The following NOB1 variants were observed in gnomAD, a reference collection of about 807,000 sequenced individuals.
NOB1 encodes the protein RNA-binding protein NOB1.
In NOB1, 44 loss-of-function variants were observed where a neutral mutation model predicts 44.8. The observed-to-expected ratio is 0.98, with a 90% CI of 0.77 to 1.26. NOB1 has a LOEUF of 1.26. Among genes scored for constraint, NOB1 ranks in the 50% most tolerant of loss-of-function variants. The pLI is 0.00. For missense variants in NOB1, 560 were observed against 544.8 expected (o/e 1.03, Z -0.28); for synonymous variants, 238 against 218.7 (o/e 1.09, Z -0.78).
intron 3 of NOB1, among the ~76,000 whole-genome samples, chr16:69,750,782 T>A (rs2038476504): frequency 6.6e-6 from 1 of 152,014 alleles, no homozygotes; most frequent in African/African-American, 2.4e-5. Context: ...CTTAAAAAAA[T>A]TTGAGGGTAG....
intron 8 of NOB1, 106 bp downstream of exon 8, chr16:69,744,767 C>CTT (rs1190820594): frequency 9.9e-6 from 13 of 1,318,400 alleles, no homozygotes; most frequent in Non-Finnish European, 1.3e-5. Context: ...AGGTCACAGG[C>CTT]TTTCAATCGC....
Position 69,745,168 on chromosome 16 carries a change from G to C in NOB1, c.825-151C>G, listed in dbSNP as rs2038419908. On this transcript the variant is annotated intron_variant, in intron 7 of 8. Coordinates refer to ENST00000268802, the MANE Select transcript of NOB1 (RefSeq NM_014062.3). The stretch of plus-strand genomic sequence containing the variant: ...CACAAAGACGGAGGCCACTGAAGCT[G>C]TCAGCAAAGGGCTGCCGCATCCCTC... 3 of 760,782 alleles carry C rather than the reference G, an allele frequency of 3.9e-6. No homozygotes were observed. In the Admixed American group the frequency reaches 8.2e-5, roughly 21 times the overall value. 47.1% of individuals were successfully genotyped at this position (760,782 alleles called of 1,614,324 possible).
At chr16:69,753,932 A>G (rs2038503011) in intron 2 of NOB1, among the ~76,000 whole-genome samples, 1 of 152,084 alleles carries the variant, frequency 6.6e-6, no homozygotes, top group African/African-American at 2.4e-5. Flanking sequence ...CAGCCTCCCA[A>G]GTAGCTGGGA....
At chr16:69,743,250 T>G (rs115013189) in intron 8 of NOB1, among the ~76,000 whole-genome samples, 1,757 of 152,330 alleles carry the variant, frequency 0.012, 26 homozygotes, top group African/African-American at 0.037. Flanking sequence ...AGGAAAGTTC[T>G]TCTTTACAGT....
intron 3 of NOB1, among the ~76,000 whole-genome samples, chr16:69,750,129 A>G (rs2038470794): frequency 1.3e-5 from 2 of 150,228 alleles, no homozygotes; most frequent in African/African-American, 4.9e-5. Context: ...TCAGCCTCCC[A>G]AGTAGCTGGG....
chr16:69,742,369 G>A lies in NOB1; in HGVS notation c.1202C>T (p.Pro401Leu). The A allele has an allele frequency of 2.5e-6, 4 of 1,613,702 alleles. No homozygotes were observed. Among genetic ancestry groups the A allele is most frequent in the Non-Finnish European group, 3.4e-6 (4 of 1,179,604 alleles). Residue 401 changes from proline (P) to leucine (L), a missense_variant, in exon 9 of 9, where the codon CCC (proline) becomes CTC (leucine). By Grantham distance (98) the Pro-to-Leu change is moderately conservative. Coordinates refer to ENST00000268802, the MANE Select transcript of NOB1 (RefSeq NM_014062.3). Reference sequence around the variant, plus strand: ...CACAAACTTCTTTCTGGAAGCGTTGGGATTTAAGCGTCTCCGCCCAGCTCC... The same window carrying A: ...CACAAACTTCTTTCTGGAAGCGTTGAGATTTAAGCGTCTCCGCCCAGCTCC... ...TLGAGRRRLNPNASRKKFVKK... is the reference protein window; with the variant it reads ...TLGAGRRRLNLNASRKKFVKK...
At position 69,742,086 on chromosome 16, in the gene NOB1, G is replaced by A. The variant is rs1238711370; in HGVS notation, c.*246C>T. 5 of 463,576 alleles carry A rather than the reference G, an allele frequency of 1.1e-5. No individual in the cohort carries two copies. Among genetic ancestry groups the A allele is most frequent in the Admixed American group, 3.9e-5 (1 of 25,702 alleles). 28.7% of individuals were successfully genotyped at this position (463,576 alleles called of 1,614,324 possible). A position where few individuals can be genotyped will look rare whatever the true frequency, so the allele number is the denominator to read the frequency against. On this transcript the variant is annotated 3_prime_UTR_variant, in exon 9 of 9. Coordinates refer to ENST00000268802, the MANE Select transcript of NOB1 (RefSeq NM_014062.3). ...CTTTCTTGAAGATTGGCTCCAGGGC[G>A]TTGTTCTTTCTGTTTTTATGCAATT...
intron 3 of NOB1, among the ~76,000 whole-genome samples, chr16:69,750,763 C>A (rs1388034973): frequency 1.3e-5 from 2 of 152,092 alleles, no homozygotes; most frequent in African/African-American, 4.8e-5. Context: ...ACAGAGAGAC[C>A]CCATCTTTCT....
intron 8 of NOB1, among the ~76,000 whole-genome samples, chr16:69,744,158 C>G (rs1217353831): frequency 6.6e-6 from 1 of 152,136 alleles, no homozygotes; most frequent in Non-Finnish European, 1.5e-5. Flanking sequence ...AACCCCATCT[C>G]TACTAAAGAT....
chr16:69,744,515 C>T (rs978458524), intron 8 of NOB1, among the ~76,000 whole-genome samples: 4 of 152,164 alleles, frequency 2.6e-5, no homozygotes, highest in Admixed American at 2.0e-4. Flanking sequence ...TGCTGCTCAT[C>T]TAGCCCGTCC....
chr16:69,754,509 A>G, intron 2 of NOB1, 85 bp downstream of exon 2: 2 of 1,545,896 alleles, frequency 1.3e-6, no homozygotes, highest in South Asian at 1.2e-5. Context: ...CTGATAAGGC[A>G]GCTAGACCCC....
rs376115894 is a variant in NOB1 at position 69,748,267 on chromosome 16, G to C, written c.789C>G (p.Ala263=). Residue 263 remains alanine, a synonymous_variant, in exon 7 of 9, where the codon GCC becomes GCG. Transcript: ENST00000268802. ...LAVNGMLIRE[A]RSYILRCHGC... is the part of the protein sequence containing the mutation. The stretch of plus-strand genomic sequence containing the variant: ...CATGGCAGCGCAAGATGTAGCTCCG[G>C]GCCTCACGAATCAGCATGCCGTTCA... 6.2e-7 allele frequency: 1 copy of C among 1,614,014 alleles called. No homozygotes were observed. Among genetic ancestry groups the C allele is most frequent in the Non-Finnish European group, 8.5e-7 (1 of 1,179,950 alleles).
chr16:69,748,856 C>A, intron 6 of NOB1, 62 bp downstream of exon 6: 1 of 1,405,758 alleles, frequency 7.1e-7, no homozygotes. Flanking sequence ...TACATCTGTA[C>A]ACCTCGGTAG....
chr16:69,749,404 T>A, intron 4 of NOB1, 66 bp from the exon 5 acceptor site: 1 of 1,572,856 alleles, frequency 6.4e-7, no homozygotes, highest in Non-Finnish European at 8.6e-7. Context: ...AGGTCACAGA[T>A]GAAATCACAT....
At chr16:69,745,816 G>A (rs564133103) in intron 7 of NOB1, among the ~76,000 whole-genome samples, 1 of 152,226 alleles carries the variant, frequency 6.6e-6, no homozygotes, top group Non-Finnish European at 1.5e-5. Context: ...GAAGTCTCTT[G>A]TGAGTGAACT....
rs144983788 is a variant in NOB1 at position 69,750,585 on chromosome 16, G to A, written c.328-955C>T. 2.2e-3 allele frequency among the ~76,000 whole-genome samples: 336 copies of A among 152,222 alleles called. 2 individuals are homozygous for A. Among genetic ancestry groups the A allele is most frequent in the South Asian group, 5.6e-3 (27 of 4,828 alleles). On this transcript the variant is annotated intron_variant, in intron 3 of 8. Coordinates refer to ENST00000268802, the MANE Select transcript of NOB1 (RefSeq NM_014062.3). ...GATGCTGCAGTGAGCTGTGATCAGCGCCACTGTACTCCAGCCCAGGTGATG... is the reference window on the plus strand; with the variant it reads ...GATGCTGCAGTGAGCTGTGATCAGCACCACTGTACTCCAGCCCAGGTGATG...
intron 7 of NOB1, among the ~76,000 whole-genome samples, chr16:69,746,248 C>T (rs1030277465): frequency 6.6e-6 from 1 of 152,252 alleles, no homozygotes; most frequent in African/African-American, 2.4e-5. Context: ...GAAAGTTCCT[C>T]ATCGGCCTCT....
At chr16:69,748,140 A>G (rs2038448654) in intron 7 of NOB1, 92 bp downstream of exon 7, 1 of 914,310 alleles carries the variant, frequency 1.1e-6, no homozygotes, top group Non-Finnish European at 1.7e-6. Flanking sequence ...ACTCCAGCCT[A>G]GGTGACAGAG....
rs1246987821 is a variant in NOB1, at chr16:69,744,938, C to T, written c.904G>A (p.Asp302Asn). The T allele has an allele frequency of 1.1e-5, 17 of 1,614,190 alleles. No homozygotes were observed. The highest frequency in any genetic ancestry group is 1.3e-5 in the African/African-American group (1 of 75,054). ...TLKKVSVTVS[D>N]DGTLHMHFSR... ...AAGTGCATGTGCAGGGTGCCGTCGT[C>T]GCTGACGGTCACGGACACTTTCTTC... The change falls in exon 8 of 9, where the codon GAC (aspartate) becomes AAC (asparagine). Residue 302 changes from aspartate (D) to asparagine (N), a missense_variant. Asp to Asn is a conservative substitution (Grantham distance 23). Coordinates refer to ENST00000268802, the MANE Select transcript of NOB1 (RefSeq NM_014062.3).
Sources: allele counts gnomAD v4.1 joint callset (sites outside exome capture counted in the v4.1 genomes callset), GRCh38; gene constraint gnomAD v4.1.1; transcripts MANE v1.5; gene names NCBI Gene and HGNC (gene_info 2026-07-23, HGNC 2026-07-21).